The following PTCHD4 variants were observed in gnomAD, a reference collection of about 807,000 sequenced individuals.
PTCHD4 encodes the protein patched domain-containing protein 4.
In PTCHD4, 33 loss-of-function variants were observed where a neutral mutation model predicts 58.1. That is an observed-to-expected ratio of 0.57 (90% confidence interval 0.43 to 0.76). PTCHD4 has a LOEUF of 0.76. Ranked by LOEUF, PTCHD4 falls within the 30% of genes least tolerant of loss-of-function variation. The probability of loss-of-function intolerance (pLI) is 0.00; values close to 1 mark genes in which losing one functional copy is unlikely to be tolerated. For missense variants in PTCHD4, 1,058 were observed against 1,027.1 expected, an observed-to-expected ratio of 1.03 and a Z score of -0.41; for synonymous variants, 478 against 409.6, an observed-to-expected ratio of 1.17 and a Z score of -2.02.
chr6:48,107,232 G>A (rs1413367443), intron 1 of PTCHD4, among the ~76,000 whole-genome samples: 2 of 152,070 alleles, frequency 1.3e-5, no homozygotes, highest in East Asian at 3.9e-4. Context: ...AAAACAGCAT[G>A]GTACTCGTAC....
chr6:47,878,716 T>C lies in PTCHD4; in HGVS notation c.2119A>G (p.Met707Val). 6.2e-7 allele frequency: 1 copy of C among 1,613,232 alleles called. No individual in the cohort carries two copies. Among genetic ancestry groups the C allele is most frequent in the Non-Finnish European group, 8.5e-7 (1 of 1,179,634 alleles). The change falls in exon 5 of 5, where the codon ATG (methionine) becomes GTG (valine). Residue 707 changes from methionine (M) to valine (V), a missense_variant. Transcript: ENST00000339488. ...LGLMTLWNVDMDCISILCLIY... is the reference protein window; with the variant it reads ...LGLMTLWNVDVDCISILCLIY... ...AGGCACAAGATAGAAATGCAATCCA[T>C]GTCGACGTTCCATAATGTCATTAAG...
At chr6:47,927,689 T>C (rs2113898631) in intron 4 of PTCHD4, among the ~76,000 whole-genome samples, 1 of 152,268 alleles carries the variant, frequency 6.6e-6, no homozygotes, top group African/African-American at 2.4e-5. Flanking sequence ...TCTGGGTTTG[T>C]ATTTTCTATT....
rs561905615 is a variant in PTCHD4, at chr6:48,025,987, C to A, written c.418-16873G>T. ...TCTCCAACAGCAATTTGAACATGACCTCACAGCTATTGCTCATCCAGAACA... is the reference window on the plus strand; with the variant it reads ...TCTCCAACAGCAATTTGAACATGACATCACAGCTATTGCTCATCCAGAACA... On this transcript the variant is annotated intron_variant, in intron 3 of 4. Transcript: ENST00000339488. 1.7e-4 allele frequency among the ~76,000 whole-genome samples: 26 copies of A among 152,258 alleles called. No individual in the cohort carries two copies. The South Asian group carries it at 4.3e-3, about 25-fold the overall frequency.
intron 4 of PTCHD4, among the ~76,000 whole-genome samples, chr6:47,939,857 G>T (rs926630033): frequency 3.3e-5 from 5 of 152,042 alleles, no homozygotes; most frequent in Non-Finnish European, 5.9e-5. Flanking sequence ...TTGTTTAAAT[G>T]AGCTCTCCTG....
chr6:47,949,745 G>T (rs376990693), intron 4 of PTCHD4, among the ~76,000 whole-genome samples: 20 of 152,024 alleles, frequency 1.3e-4, no homozygotes, highest in African/African-American at 4.6e-4. Flanking sequence ...TAGCCTTGGG[G>T]TAATGATCTA....
At chr6:47,915,214 A>T (rs990480299) in intron 4 of PTCHD4, among the ~76,000 whole-genome samples, 2 of 151,990 alleles carry the variant, frequency 1.3e-5, no homozygotes, top group African/African-American at 4.8e-5. Flanking sequence ...TATGGATTGT[A>T]AAAGCTGATG....
rs1242816869 is a variant in PTCHD4 at position 48,111,123 on chromosome 6, TCTTCTCTGCTA to T, written c.-1055_-1045del. Among the ~76,000 whole-genome samples, 1 of 152,036 alleles carries T rather than the reference TCTTCTCTGCTA, an allele frequency of 6.6e-6. No individual in the cohort carries two copies. The highest frequency in any genetic ancestry group is 1.5e-5 in the Non-Finnish European group (1 of 68,010). ...AGAGTGAGAGGGGATTTCTTTTATT[TCTTCTCTGCTA>T]CTTCTCTGCCATACTGTGGTTGGTA... On this transcript the variant is annotated 5_prime_UTR_variant, in exon 1 of 5. An upstream open reading frame in the 5' UTR gains an earlier in-frame stop. Coordinates refer to ENST00000339488, the MANE Select transcript of PTCHD4 (RefSeq NM_001384253.1).
chr6:47,908,659 C>T (rs982838962), intron 4 of PTCHD4, among the ~76,000 whole-genome samples: 7 of 152,148 alleles, frequency 4.6e-5, no homozygotes, highest in African/African-American at 1.4e-4. Context: ...CGCATCTTAT[C>T]GAGACCTCGT....
At chr6:48,106,774 G>A (rs1042485811) in intron 1 of PTCHD4, among the ~76,000 whole-genome samples, 6 of 152,124 alleles carry the variant, frequency 3.9e-5, no homozygotes, top group Non-Finnish European at 7.3e-5. Flanking sequence ...AAATCAATGT[G>A]CAAAAATCAC....
intron 3 of PTCHD4, among the ~76,000 whole-genome samples, chr6:48,043,338 A>G (rs1167340943): frequency 1.3e-5 from 2 of 151,910 alleles, no homozygotes; most frequent in East Asian, 1.9e-4. Context: ...CCAGATGTCA[A>G]TCTGAAACAT....
chr6:48,057,070 G>T (rs970675787), intron 3 of PTCHD4, among the ~76,000 whole-genome samples: 4 of 152,194 alleles, frequency 2.6e-5, no homozygotes, highest in Non-Finnish European at 5.9e-5. Flanking sequence ...CAACCCATCA[G>T]GTGCCCAAGC....
intron 1 of PTCHD4, among the ~76,000 whole-genome samples, chr6:48,103,020 T>C (rs1235036589): frequency 6.6e-6 from 1 of 152,202 alleles, no homozygotes; most frequent in Non-Finnish European, 1.5e-5. Context: ...AGGCTCCACC[T>C]CTGGGGGCAG....
rs1763904200 is a variant in PTCHD4, at chr6:47,878,408, A to G, written c.2427T>C (p.Pro809=). Residue 809 remains proline (P), a synonymous_variant, in exon 5 of 5, where the codon CCT becomes CCC. Transcript: ENST00000339488. ...TCTTTTTCTTGTGGTGCTTTTTGGA[A>G]GGGGGGAAAAACGTTAGGAACACAG... ...ILPVFLTFFP[P]SKKHHKKKKR... is the part of the protein sequence containing the mutation. The G allele has an allele frequency of 6.2e-7, 1 of 1,613,032 alleles. No homozygotes were observed. The highest frequency in any genetic ancestry group is 1.3e-5 in the African/African-American group (1 of 74,744).
At chr6:48,058,239 C>T (rs966134798) in intron 3 of PTCHD4, among the ~76,000 whole-genome samples, 3 of 152,222 alleles carry the variant, frequency 2.0e-5, no homozygotes, top group East Asian at 1.9e-4. Flanking sequence ...GCTTGTTGGG[C>T]GCTAGCCCCA....
rs1763332355 is a variant in PTCHD4, at chr6:47,857,481, C to T, written c.*20822G>A. On this transcript the variant is annotated 3_prime_UTR_variant, in exon 5 of 5. Transcript: ENST00000339488. The stretch of plus-strand genomic sequence containing the variant: ...CTTTTGGCAAGATAAAAAACTAACC[C>T]TTGGGTTCAAACAATAAATGAGGAG... 6.6e-6 allele frequency among the ~76,000 whole-genome samples: 1 copy of T among 152,010 alleles called. No homozygotes were observed. Among genetic ancestry groups the T allele is most frequent in the African/African-American group, 2.4e-5 (1 of 41,404 alleles).
chr6:47,927,072 T>A (rs1022966885), intron 4 of PTCHD4, among the ~76,000 whole-genome samples: 4 of 152,124 alleles, frequency 2.6e-5, no homozygotes, highest in African/African-American at 4.8e-5. Flanking sequence ...CAACTTCTCA[T>A]GGGACTGGGG....
chr6:47,868,636 A>G lies in PTCHD4; in HGVS notation c.*9667T>C, dbSNP rs2114073832. 6.6e-6 allele frequency among the ~76,000 whole-genome samples: 1 copy of G among 151,954 alleles called. No homozygotes were observed. Among genetic ancestry groups the G allele is most frequent in the South Asian group, 2.1e-4 (1 of 4,828 alleles). On this transcript the variant is annotated 3_prime_UTR_variant, in exon 5 of 5. Coordinates refer to ENST00000339488, the MANE Select transcript of PTCHD4 (RefSeq NM_001384253.1). ...TCAGTGGAGAATTTCAACTTGAAGC[A>G]CATATAAATGACAATAAATAGTACT...
intron 3 of PTCHD4, among the ~76,000 whole-genome samples, chr6:48,064,953 T>A (rs1764747218): frequency 6.6e-6 from 1 of 152,206 alleles, no homozygotes; most frequent in Non-Finnish European, 1.5e-5. Flanking sequence ...TCTTTTGTGG[T>A]ATTCTAAGTC....
At chr6:48,054,894 C>A (rs1218811935) in intron 3 of PTCHD4, among the ~76,000 whole-genome samples, 1 of 152,010 alleles carries the variant, frequency 6.6e-6, no homozygotes, top group Non-Finnish European at 1.5e-5. Context: ...TATAAACTAG[C>A]TACAATTTAT....
Sources: allele counts gnomAD v4.1 joint callset (sites outside exome capture counted in the v4.1 genomes callset), GRCh38; gene constraint gnomAD v4.1.1; transcripts MANE v1.5; gene names NCBI Gene and HGNC (gene_info 2026-07-23, HGNC 2026-07-21).